The following TSPAN11 variants were observed in gnomAD, a reference collection of about 807,000 sequenced individuals.
TSPAN11 encodes the protein tetraspanin 11, also known as tetraspanin-11.
Under a neutral mutation model 32.9 loss-of-function variants are expected in TSPAN11, and 29 were observed. The ratio of observed to expected loss-of-function variants is 0.88; its 90% CI spans 0.66 to 1.20. The LOEUF (loss-of-function observed/expected upper bound fraction) is 1.20. Ranked by LOEUF, TSPAN11 falls within the 50% of genes most tolerant of loss-of-function variation. The probability of loss-of-function intolerance (pLI) is 0.00; values close to 1 mark genes in which losing one functional copy is unlikely to be tolerated. For synonymous variants in TSPAN11, 140 were observed against 141.3 expected (o/e 0.99, Z 0.07); for missense variants, 283 against 329.1 (o/e 0.86, Z 1.08).
At chr12:30,962,712 A>G (rs182234524) in intron 2 of TSPAN11, among the ~76,000 whole-genome samples, 199 of 152,034 alleles carry the variant, frequency 1.3e-3, no homozygotes, top group African/African-American at 4.2e-3. Flanking sequence ...CACGCCCAGG[A>G]CTCCTTGAGG....
At chr12:30,941,959 T>G (rs1454591458) in intron 1 of TSPAN11, among the ~76,000 whole-genome samples, 2 of 152,246 alleles carry the variant, frequency 1.3e-5, no homozygotes, top group African/African-American at 4.8e-5. Flanking sequence ...CCAGTTTGCT[T>G]TGTTAAACTG....
At chr12:30,933,867 A>G (rs1565787013) in intron 1 of TSPAN11, among the ~76,000 whole-genome samples, 1 of 152,172 alleles carries the variant, frequency 6.6e-6, no homozygotes, top group Non-Finnish European at 1.5e-5. Context: ...TTTGAGGCCT[A>G]GAATGCTTCC....
intron 1 of TSPAN11, among the ~76,000 whole-genome samples, chr12:30,935,784 C>G (rs1168714806): frequency 1.3e-5 from 2 of 152,184 alleles, no homozygotes; most frequent in African/African-American, 2.4e-5. Context: ...CTCCTCCGCT[C>G]CCCTAGCTGG....
chr12:30,988,366 G>GA (rs1939243529), intron 7 of TSPAN11: 1 of 152,382 alleles, frequency 6.6e-6, no homozygotes, highest in African/African-American at 2.4e-5. Context: ...GAGGCAGGGG[G>GA]ATCACAAGGT....
At chr12:30,940,489 A>G (rs1376004624) in intron 1 of TSPAN11, among the ~76,000 whole-genome samples, 1 of 152,174 alleles carries the variant, frequency 6.6e-6, no homozygotes, top group Admixed American at 6.5e-5. Context: ...ATGGAGAAAT[A>G]CATAGAGTGT....
In TSPAN11 at chr12:30,982,582, C is replaced by A; in HGVS notation, c.507C>A (p.Tyr169Ter). 1 of 1,613,130 alleles carries A rather than the reference C, an allele frequency of 6.2e-7. No individual in the cohort carries two copies. Among genetic ancestry groups the A allele is most frequent in the East Asian group, 2.2e-5 (1 of 44,874 alleles). ...CAGCCGACTGGCAGCACAGCACGTACATCCTGTTGCGGGAGGCCGAGGGCC... is the reference window on the plus strand; with the variant it reads ...CAGCCGACTGGCAGCACAGCACGTAAATCCTGTTGCGGGAGGCCGAGGGCC... Reference protein sequence around the residue: ...NSSADWQHSTYILLREAEGRQ... With the variant: ...NSSADWQHST The change falls in exon 6 of 8, where the codon TAC becomes TAA. Residue 169 changes from tyrosine (Y) to a stop codon, truncating the protein, a stop_gained. Coordinates refer to ENST00000546076, the MANE Select transcript of TSPAN11 (RefSeq NM_001370302.1). LOFTEE classifies it high-confidence loss of function.
At chr12:30,951,124 CACAT>C (rs1292354083) in intron 1 of TSPAN11, among the ~76,000 whole-genome samples, 1 of 152,148 alleles carries the variant, frequency 6.6e-6, no homozygotes, top group East Asian at 1.9e-4. Context: ...ATCTAACTGA[CACAT>C]ACAGAATTCT....
intron 7 of TSPAN11, 38 bp from the exon 8 acceptor site, chr12:30,991,818 T>A (rs1269081527): frequency 6.8e-6 from 11 of 1,613,352 alleles, no homozygotes; most frequent in Non-Finnish European, 9.3e-6. Flanking sequence ...CCAGGAGTTC[T>A]GATTTCTCTT....
rs561232419 is a variant in TSPAN11 at position 30,957,407 on chromosome 12, T to C, written c.84+3332T>C. Among the ~76,000 whole-genome samples the C allele has an allele frequency of 3.9e-5, 6 of 152,278 alleles. No individual in the cohort carries two copies. The East Asian group carries it at 9.7e-4, about 25-fold the overall frequency. Reference sequence around the variant, plus strand: ...GCTGCTCTGCTGTAGCTCAGGACTCTAGGCCTGCTGTAGCCCAGACACCAA... The same window carrying C: ...GCTGCTCTGCTGTAGCTCAGGACTCCAGGCCTGCTGTAGCCCAGACACCAA... On this transcript the variant is annotated intron_variant, in intron 2 of 7. Transcript: ENST00000546076.
chr12:30,952,860 TAA>T (rs1378381749), intron 1 of TSPAN11, among the ~76,000 whole-genome samples: 1 of 152,086 alleles, frequency 6.6e-6, no homozygotes, highest in East Asian at 1.9e-4. Context: ...GGTTCTGAAA[TAA>T]AAAGAGGTTC....
intron 4 of TSPAN11, 58 bp downstream of exon 4, chr12:30,978,693 G>C: frequency 6.3e-7 from 1 of 1,577,438 alleles, no homozygotes; most frequent in Admixed American, 1.7e-5. Context: ...AGCAATGTGG[G>C]TAGGGAGGTT....
intron 1 of TSPAN11, among the ~76,000 whole-genome samples, chr12:30,928,720 C>T (rs894344498): frequency 2.6e-5 from 4 of 152,200 alleles, no homozygotes; most frequent in African/African-American, 9.6e-5. Flanking sequence ...CAAATCAGGG[C>T]ATCTTTCCAG....
downstream of TSPAN11, among the ~76,000 whole-genome samples, chr12:30,998,254 C>T (rs1294552140): frequency 6.6e-6 from 1 of 152,258 alleles, no homozygotes; most frequent in Non-Finnish European, 1.5e-5. Flanking sequence ...GTCAGCCAGG[C>T]AGGCAGCATG....
chr12:31,009,682 C>A, the TSPAN11 span, among the ~76,000 whole-genome samples: 2 of 152,134 alleles, frequency 1.3e-5, no homozygotes, highest in East Asian at 3.9e-4. Flanking sequence ...CCGTCCACCG[C>A]CACACAGAGA....
At chr12:30,948,599 G>A (rs1488469596) in intron 1 of TSPAN11, among the ~76,000 whole-genome samples, 2 of 152,182 alleles carry the variant, frequency 1.3e-5, no homozygotes, top group African/African-American at 4.8e-5. Context: ...TGGAGCAGCT[G>A]GAACACAGGG....
intron 4 of TSPAN11, 112 bp from the exon 5 acceptor site, chr12:30,979,454 C>A: frequency 1.1e-6 from 1 of 944,284 alleles, no homozygotes. Flanking sequence ...ATCACACCAT[C>A]CACAGTCCGC....
Position 30,931,828 on chromosome 12 carries a change from C to T in TSPAN11, c.-12+5032C>T, listed in dbSNP as rs570638714. ...CTGGGAGATGGAGGTTGCAGTGAGCCGAGATCGCACCACTGCACTCCAGCC... is the reference window on the plus strand; with the variant it reads ...CTGGGAGATGGAGGTTGCAGTGAGCTGAGATCGCACCACTGCACTCCAGCC... On this transcript the variant is annotated intron_variant, in intron 1 of 7. Coordinates refer to ENST00000546076, the MANE Select transcript of TSPAN11 (RefSeq NM_001370302.1). Among the ~76,000 whole-genome samples, 9 of 137,306 alleles carry T rather than the reference C, an allele frequency of 6.6e-5. No homozygotes were observed. In the East Asian group the frequency reaches 1.9e-3, roughly 29 times the overall value. 90.1% of individuals were successfully genotyped at this position (137,306 alleles called of 152,430 possible). A position where few individuals can be genotyped will look rare whatever the true frequency, so the allele number is the denominator to read the frequency against.
At position 30,975,527 on chromosome 12, in the gene TSPAN11, C is replaced by G. The variant is rs971257114; in HGVS notation, c.277-3034C>G. Among the ~76,000 whole-genome samples, 4 of 152,170 alleles carry G rather than the reference C, an allele frequency of 2.6e-5. No individual in the cohort carries two copies. The highest frequency in any genetic ancestry group is 9.7e-5 in the African/African-American group (4 of 41,448). On this transcript the variant is annotated intron_variant, in intron 3 of 7. Transcript: ENST00000546076. This position sits in a 1 kb window ranked among gnomAD's most constrained non-coding sequence, Gnocchi z 4.5. ...AAGCTCTCTCCCCTCCTCCTGACCA[C>G]TCCGCAGGTCAGATAGCCTGTTTGA...
At chr12:30,958,823 C>T (rs1247319811) in intron 2 of TSPAN11, among the ~76,000 whole-genome samples, 3 of 152,058 alleles carry the variant, frequency 2.0e-5, no homozygotes, top group Non-Finnish European at 4.4e-5. Context: ...CTTGATGGCC[C>T]AAGAGCGTGG....
Sources: allele counts gnomAD v4.1 joint callset (sites outside exome capture counted in the v4.1 genomes callset), GRCh38; gene constraint gnomAD v4.1.1; non-coding constraint Gnocchi (gnomAD v3.1); transcripts MANE v1.5; gene names NCBI Gene and HGNC (gene_info 2026-07-23, HGNC 2026-07-21).